The following UTP11 variants were observed in gnomAD, a reference collection of about 807,000 sequenced individuals.
UTP11 encodes the protein UTP11 small subunit processome component, also known as probable U3 small nucleolar RNA-associated protein 11.
UTP11 carries 29 observed loss-of-function variants against 39.0 expected under a neutral mutation model. That is an observed-to-expected ratio of 0.74 (90% CI 0.55 to 1.01). The LOEUF (loss-of-function observed/expected upper bound fraction) is 1.01. Among genes scored for constraint, UTP11 ranks in the 50% least tolerant of loss-of-function variants. The probability of loss-of-function intolerance (pLI) is 0.00; values close to 1 mark genes in which losing one functional copy is unlikely to be tolerated. For synonymous variants in UTP11, 111 were observed against 105.0 expected, an observed-to-expected ratio of 1.06 and a Z score of -0.35; for missense variants, 281 against 306.0, an observed-to-expected ratio of 0.92 and a Z score of 0.61.
rs756134569 is a variant in UTP11, at chr1:38,016,357, A to G, written c.64-2A>G. 1.2e-6 allele frequency: 2 copies of G among 1,614,190 alleles called. No homozygotes were observed. On this transcript the variant is annotated splice_acceptor_variant, in intron 1 of 7. Coordinates refer to ENST00000373014, the MANE Select transcript of UTP11 (RefSeq NM_016037.4). LOFTEE classifies it high-confidence loss of function. The stretch of plus-strand genomic sequence containing the variant: ...ACTGTTGTTCTTTCTTTTGTCTTCT[A>G]GCCTGGCTTTCGAAAACATCTGGGC...
chr1:38,021,003 C>A (rs185866422), intron 6 of UTP11, among the ~76,000 whole-genome samples: 1 of 151,710 alleles, frequency 6.6e-6, no homozygotes, highest in Admixed American at 6.6e-5. Flanking sequence ...CTCACTGCAA[C>A]CTCTGCCTCC....
At chr1:38,022,487 G>C (rs535487967) in intron 6 of UTP11, among the ~76,000 whole-genome samples, 1 of 152,052 alleles carries the variant, frequency 6.6e-6, no homozygotes, top group African/African-American at 2.4e-5. Flanking sequence ...GATTACTGGC[G>C]TGAGCCACTG....
At chr1:38,020,102 T>C (rs1557770417) in intron 6 of UTP11, among the ~76,000 whole-genome samples, 1 of 151,912 alleles carries the variant, frequency 6.6e-6, no homozygotes, top group Non-Finnish European at 1.5e-5. Context: ...AAAAGGTCTT[T>C]CTGTGTTTTT....
intron 7 of UTP11, 62 bp from the exon 8 acceptor site, chr1:38,023,483 A>G: frequency 6.7e-7 from 1 of 1,500,352 alleles, no homozygotes; most frequent in Non-Finnish European, 9.1e-7. Context: ...TAGTTTATTA[A>G]CCTTTCGATT....
chr1:38,016,308 ATG>A, intron 1 of UTP11, 49 bp from the exon 2 acceptor site: 1 of 1,574,676 alleles, frequency 6.4e-7, no homozygotes, highest in Non-Finnish European at 8.7e-7. Context: ...TGATTTGGAT[ATG>A]TGTTTGCGGA....
chr1:38,019,868 G>A (rs1646726923), intron 6 of UTP11, among the ~76,000 whole-genome samples: 1 of 152,154 alleles, frequency 6.6e-6, no homozygotes, highest in Admixed American at 6.5e-5. Flanking sequence ...GGATGGAAGT[G>A]GAGAAGGGCT....
At chr1:38,021,888 G>A (rs1305336928) in intron 6 of UTP11, among the ~76,000 whole-genome samples, 2 of 149,116 alleles carry the variant, frequency 1.3e-5, no homozygotes, top group African/African-American at 2.5e-5. Flanking sequence ...GCAAGACTCC[G>A]CCTCAGAAAA....
chr1:38,013,513 A>G (rs1646689749), intron 1 of UTP11, among the ~76,000 whole-genome samples: 1 of 152,048 alleles, frequency 6.6e-6, no homozygotes, highest in South Asian at 2.1e-4. Flanking sequence ...TTGAGTAGAA[A>G]TAAGCTTATA....
intron 1 of UTP11, among the ~76,000 whole-genome samples, chr1:38,013,875 C>T (rs1646692420): frequency 6.6e-6 from 1 of 152,152 alleles, no homozygotes; most frequent in South Asian, 2.1e-4. Flanking sequence ...CTACCATGCC[C>T]TGCTAATTTT....
intron 7 of UTP11, among the ~76,000 whole-genome samples, chr1:38,023,014 TAGTC>T (rs1646747354): frequency 6.6e-6 from 1 of 152,166 alleles, no homozygotes; most frequent in Non-Finnish European, 1.5e-5. Context: ...AGGGGGTTAT[TAGTC>T]AGTGCTTTGG....
At position 38,018,586 on chromosome 1, in the gene UTP11, C is replaced by T. The variant is rs1407486162; in HGVS notation, c.342+9C>T. ...GGGTTGCAGAAGCTAAGGTAATTCA[C>T]TCTTTGTTCTGATTGGTTTTATTGG... On this transcript the variant is annotated intron_variant, in intron 4 of 7. Transcript: ENST00000373014. 1.3e-6 allele frequency: 2 copies of T among 1,586,886 alleles called. No homozygotes were observed. The highest frequency in any genetic ancestry group is 1.1e-5 in the South Asian group (1 of 87,678).
chr1:38,013,760 G>A (rs1225640878), intron 1 of UTP11, among the ~76,000 whole-genome samples: 2 of 152,122 alleles, frequency 1.3e-5, no homozygotes. Flanking sequence ...TGTTGCCCAG[G>A]TTGGAGTGCA....
rs760307130 is a variant in UTP11 at position 38,023,650 on chromosome 1, C to A, written c.*22C>A. 2 of 1,582,748 alleles carry A rather than the reference C, an allele frequency of 1.3e-6. No homozygotes were observed. The highest frequency in any genetic ancestry group is 1.4e-5 in the African/African-American group (1 of 73,394). On this transcript the variant is annotated 3_prime_UTR_variant, in exon 8 of 8. Transcript: ENST00000373014. ...TTGACGTGTTATAGATAAGCCTTGT[C>A]ATTCTGTATCAAAAATCTGTTGTCG... is the stretch of plus-strand genomic sequence containing the variant.
Position 38,012,797 on chromosome 1 carries a change from A to C in UTP11, c.-6A>C. On this transcript the variant is annotated 5_prime_UTR_variant, in exon 1 of 8. Coordinates refer to ENST00000373014, the MANE Select transcript of UTP11 (RefSeq NM_016037.4). ...CTCCACTGATCTTTTCCAAGGCTGT[A>C]CAGACATGGCGGCGGCTTTTCGGAA... The C allele has an allele frequency of 6.2e-7, 1 of 1,614,206 alleles. No individual in the cohort carries two copies. Among genetic ancestry groups the C allele is most frequent in the Non-Finnish European group, 8.5e-7 (1 of 1,180,028 alleles).
At chr1:38,023,400 AC>A in intron 7 of UTP11, 144 bp from the exon 8 acceptor site, 1 of 601,612 alleles carries the variant, frequency 1.7e-6, no homozygotes, top group South Asian at 2.6e-5. Flanking sequence ...TTCATTGCCT[AC>A]AGTGGATGCC....
intron 1 of UTP11, among the ~76,000 whole-genome samples, chr1:38,014,152 T>G (rs1290568266): frequency 6.6e-6 from 1 of 152,194 alleles, no homozygotes; most frequent in Non-Finnish European, 1.5e-5. Context: ...AGGAATCTGG[T>G]GCTTAAAGAG....
intron 6 of UTP11, among the ~76,000 whole-genome samples, chr1:38,020,900 C>T (rs888538008): frequency 3.9e-5 from 6 of 151,982 alleles, no homozygotes; most frequent in Non-Finnish European, 5.9e-5. Flanking sequence ...CTTGTGATAA[C>T]CCTGTTGTTT....
intron 1 of UTP11, among the ~76,000 whole-genome samples, chr1:38,013,475 C>T (rs945742859): frequency 6.6e-6 from 1 of 152,154 alleles, no homozygotes; most frequent in Non-Finnish European, 1.5e-5. Flanking sequence ...TCTAGGATTT[C>T]TATGGTGGGT....
Position 38,016,374 on chromosome 1 carries a change from C to T in UTP11, c.79C>T (p.His27Tyr), listed in dbSNP as rs1463070974. The change falls in exon 2 of 8, where the codon CAT becomes TAT. Residue 27 changes from histidine to tyrosine, a missense_variant. Coordinates refer to ENST00000373014, the MANE Select transcript of UTP11 (RefSeq NM_016037.4). Reference sequence around the variant, plus strand: ...TGTCTTCTAGCCTGGCTTTCGAAAACATCTGGGCCTGCTGGAGAAAAAGAA... The same window carrying T: ...TGTCTTCTAGCCTGGCTTTCGAAAATATCTGGGCCTGCTGGAGAAAAAGAA... Reference protein sequence around the residue: ...RERSQPGFRKHLGLLEKKKDY... With the variant: ...RERSQPGFRKYLGLLEKKKDY... 1.2e-6 allele frequency: 2 copies of T among 1,614,190 alleles called. No individual in the cohort carries two copies. The highest frequency in any genetic ancestry group is 1.7e-6 in the Non-Finnish European group (2 of 1,180,014).
Sources: allele counts gnomAD v4.1 joint callset (sites outside exome capture counted in the v4.1 genomes callset), GRCh38; gene constraint gnomAD v4.1.1; transcripts MANE v1.5; gene names NCBI Gene and HGNC (gene_info 2026-07-23, HGNC 2026-07-21).